AMPD1: variants seen among roughly 807,000 people sequenced by gnomAD.
The protein encoded by AMPD1 is AMP deaminase 1.
AMPD1 carries 74 observed loss-of-function variants against 82.9 expected under a neutral mutation model. That is an observed-to-expected ratio of 0.89 (90% confidence interval 0.74 to 1.08). The LOEUF is 1.08. Ranked by LOEUF, AMPD1 falls within the 50% of genes least tolerant of loss-of-function variation. AMPD1 has a pLI of 0.00. For synonymous variants in AMPD1, 333 were observed against 320.5 expected, an observed-to-expected ratio of 1.04 and a Z score of -0.42; for missense variants, 881 against 924.5, an observed-to-expected ratio of 0.95 and a Z score of 0.61.
intron 3 of AMPD1, 97 bp downstream of exon 3, chr1:114,688,464 A>G: frequency 7.2e-7 from 1 of 1,393,892 alleles, no homozygotes; most frequent in Non-Finnish European, 1.0e-6. Flanking sequence ...TCTTCCTCTG[A>G]GTTGAACCAT....
intron 1 of AMPD1, 67 bp downstream of exon 1, chr1:114,695,383 A>T (rs1352039767): frequency 2.6e-6 from 4 of 1,562,800 alleles, no homozygotes; most frequent in Non-Finnish European, 3.4e-6. Context: ...AGCTAAAGGA[A>T]CAGTTGCTTG....
chr1:114,689,333 G>C (rs903596287), intron 2 of AMPD1, among the ~76,000 whole-genome samples: 7 of 152,294 alleles, frequency 4.6e-5, no homozygotes, highest in African/African-American at 1.4e-4. Flanking sequence ...GCTGTATGCA[G>C]GGAGGGGACC....
chr1:114,693,554 T>G, intron 1 of AMPD1, 107 bp from the exon 2 acceptor site: 1 of 995,368 alleles, frequency 1.0e-6, no homozygotes, highest in Non-Finnish European at 1.6e-6. Flanking sequence ...TGCTGTTATT[T>G]CAGCTCAGCC....
At position 114,677,937 on chromosome 1, in the gene AMPD1, A is replaced by G. The variant is rs1658048429; in HGVS notation, c.1197T>C (p.Asn399=). 6.2e-7 allele frequency: 1 copy of G among 1,613,718 alleles called. No individual in the cohort carries two copies. The highest frequency in any genetic ancestry group is 1.3e-5 in the African/African-American group (1 of 74,868). ...DLYLKTDNYI[N]GEYFATIIKE... The stretch of plus-strand genomic sequence containing the variant: ...TGATGATAGTGGCAAAATATTCCCC[A>G]TTAATGTAATTGTCTGTCTTCAAGT... The change falls in exon 9 of 16, where the codon AAT becomes AAC. Residue 399 remains asparagine, a synonymous_variant. Transcript: ENST00000520113.
In AMPD1 at chr1:114,688,662, AATCTCCTGACGACCTCCTTC is replaced by A; in HGVS notation, c.94_113del (p.Glu32PhefsTer4). The A allele has an allele frequency of 1.2e-6, 2 of 1,614,206 alleles. No homozygotes were observed. Among genetic ancestry groups the A allele is most frequent in the South Asian group, 2.2e-5 (2 of 91,084 alleles). ...AGATCTCATCCACATCAAAGGGGGAAATCTCCTGACGACCTCCTTCATCTTTGACTTCAGAGGCAAACACT... is the reference window on the plus strand; with the variant it reads ...AGATCTCATCCACATCAAAGGGGGAAATCTTTGACTTCAGAGGCAAACACT... On this transcript the variant is annotated frameshift_variant, in exon 3 of 16. Coordinates refer to ENST00000520113, the MANE Select transcript of AMPD1 (RefSeq NM_000036.3). LOFTEE classifies it high-confidence loss of function.
rs778481612 is a variant in AMPD1, at chr1:114,673,185, T to C, written c.2173A>G (p.Met725Val). Residue 725 changes from methionine (M) to valine (V), a missense_variant, in exon 16 of 16, where the codon ATG (methionine) becomes GTG (valine). By Grantham distance (21) the Met-to-Val change is conservative. This residue lies in a region of AMPD1 where 98 missense variants were observed against 138.1 expected (regional missense o/e 0.71). Coordinates refer to ENST00000520113, the MANE Select transcript of AMPD1 (RefSeq NM_000036.3). ...CACCAGGTTTCATAGCGATAGGCCA[T>C]GCGGATTTGGGCTACATTTGTCCTC... ...IRRTNVAQIR[M>V]AYRYETWCYE... 37 of 1,614,006 alleles carry C rather than the reference T, an allele frequency of 2.3e-5. No individual in the cohort carries two copies. In the East Asian group the frequency reaches 4.9e-4, roughly 21 times the overall value.
chr1:114,690,489 G>A lies in AMPD1; in HGVS notation c.35-1748C>T, dbSNP rs1260170785. ...ATAACTTCCCCAACAATAACAGTCA[G>A]GTCAGCCAGTTTTTAAAACCTGGTT... On this transcript the variant is annotated intron_variant, in intron 2 of 15. Coordinates refer to ENST00000520113, the MANE Select transcript of AMPD1 (RefSeq NM_000036.3). Among the ~76,000 whole-genome samples, 4 of 152,114 alleles carry A rather than the reference G, an allele frequency of 2.6e-5. No homozygotes were observed. The South Asian group carries it at 8.3e-4, about 32-fold the overall frequency.
chr1:114,693,574 G>T (rs1658584738), intron 1 of AMPD1, 127 bp from the exon 2 acceptor site: 1 of 821,872 alleles, frequency 1.2e-6, no homozygotes, highest in African/African-American at 1.7e-5. Context: ...CTTCCAGCTT[G>T]TCTACAGTTT....
Position 114,678,334 on chromosome 1 carries a change from G to A in AMPD1, c.1091C>T (p.Ala364Val). The change falls in exon 8 of 16, where the codon GCT becomes GTT. Residue 364 changes from alanine (A) to valine (V), a missense_variant and splice_region_variant. Around this residue, in one of 2 missense-constraint regions of AMPD1, gnomAD observed 783 missense variants for 786.4 expected, o/e 1.00. Transcript: ENST00000520113. ...ACTGACATTGCCGTTTCAACCTACA[G>A]CATGAACATCCAGAGAATCAACAGT... Reference protein sequence around the residue: ...DLTVDSLDVHAGRQTFQRFDK... With the variant: ...DLTVDSLDVHVGRQTFQRFDK... 6.2e-7 allele frequency: 1 copy of A among 1,614,098 alleles called. No homozygotes were observed. Among genetic ancestry groups the A allele is most frequent in the Non-Finnish European group, 8.5e-7 (1 of 1,179,976 alleles).
chr1:114,674,968 A>C, intron 12 of AMPD1, 96 bp from the exon 13 acceptor site: 2 of 1,478,432 alleles, frequency 1.4e-6, no homozygotes, highest in Admixed American at 3.5e-5. Flanking sequence ...GGAAGGAAGT[A>C]AGCCATCCAA....
intron 9 of AMPD1, 84 bp from the exon 10 acceptor site, chr1:114,677,598 T>A: frequency 6.4e-7 from 1 of 1,569,260 alleles, no homozygotes; most frequent in Non-Finnish European, 8.7e-7. Flanking sequence ...CCTTTCTAAC[T>A]CTTCCTTTCA....
intron 2 of AMPD1, among the ~76,000 whole-genome samples, chr1:114,690,595 T>C (rs1658484094): frequency 6.6e-6 from 1 of 152,174 alleles, no homozygotes; most frequent in Admixed American, 6.5e-5. Flanking sequence ...CTCAAACAAC[T>C]GAAACCGAAA....
chr1:114,682,777 A>G (rs187453366), intron 5 of AMPD1, among the ~76,000 whole-genome samples: 319 of 152,202 alleles, frequency 2.1e-3, no homozygotes, highest in Non-Finnish European at 2.9e-3. Flanking sequence ...ACGGGGTTTC[A>G]CCGTGTTAGC....
intron 4 of AMPD1, 53 bp downstream of exon 4, chr1:114,686,692 T>A (rs563947968): frequency 6.3e-7 from 1 of 1,595,414 alleles, no homozygotes; most frequent in East Asian, 2.2e-5. Flanking sequence ...GCTAGAACTG[T>A]CAAGCTGAAT....
At chr1:114,685,838 C>T (rs1658302390) in intron 4 of AMPD1, among the ~76,000 whole-genome samples, 1 of 152,134 alleles carries the variant, frequency 6.6e-6, no homozygotes, top group African/African-American at 2.4e-5. Context: ...AGAGAGCACC[C>T]ATGTTATACA....
chr1:114,685,814 AC>A (rs1658301883), intron 4 of AMPD1, among the ~76,000 whole-genome samples: 1 of 152,000 alleles, frequency 6.6e-6, no homozygotes, highest in Admixed American at 6.6e-5. Context: ...TAGTGTCTAA[AC>A]CCCCTGCCAT....
At chr1:114,692,868 C>T (rs928825575) in intron 2 of AMPD1, among the ~76,000 whole-genome samples, 15 of 151,124 alleles carry the variant, frequency 9.9e-5, no homozygotes, top group Non-Finnish European at 2.1e-4. Context: ...TGTGGTGGCC[C>T]ACACCTGTAA....
intron 2 of AMPD1, among the ~76,000 whole-genome samples, chr1:114,691,649 G>C (rs750353043): frequency 6.6e-6 from 1 of 151,990 alleles, no homozygotes; most frequent in Non-Finnish European, 1.5e-5. Context: ...AGATAGGCTG[G>C]GTGCGATTTC....
chr1:114,693,979 A>T (rs1658598811), intron 1 of AMPD1, among the ~76,000 whole-genome samples: 1 of 152,202 alleles, frequency 6.6e-6, no homozygotes, highest in Non-Finnish European at 1.5e-5. Context: ...AGGCTGGCAG[A>T]TCATGAGGTC....
Sources: allele counts gnomAD v4.1 joint callset (sites outside exome capture counted in the v4.1 genomes callset), GRCh38; gene constraint gnomAD v4.1.1; regional missense constraint gnomAD v4.1.1; transcripts MANE v1.5; gene names NCBI Gene and HGNC (gene_info 2026-07-23, HGNC 2026-07-21).